AOPEP: variants seen among roughly 807,000 people sequenced by gnomAD.
AOPEP encodes aminopeptidase O.
In AOPEP, 77 loss-of-function variants were observed where a neutral mutation model predicts 98.1. The ratio of observed to expected loss-of-function variants is 0.78; its 90% CI spans 0.65 to 0.95. AOPEP has a LOEUF of 0.95. Ranked by LOEUF, AOPEP falls within the 40% of genes least tolerant of loss-of-function variation. The pLI is 0.00. For missense variants in AOPEP, 1,024 were observed against 1,024.7 expected (o/e 1.00, Z 0.01); for synonymous variants, 346 against 365.3 (o/e 0.95, Z 0.60).
At chr9:94,971,781 G>A (rs2059552083) in intron 10 of AOPEP, among the ~76,000 whole-genome samples, 1 of 152,164 alleles carries the variant, frequency 6.6e-6, no homozygotes, top group Non-Finnish European at 1.5e-5. Flanking sequence ...AATCCCATGA[G>A]TAGCCCTAGG....
intron 13 of AOPEP, among the ~76,000 whole-genome samples, chr9:95,051,162 T>G (rs1403503841): frequency 1.3e-5 from 2 of 148,438 alleles, no homozygotes; most frequent in African/African-American, 4.9e-5. Context: ...TGATCTCGAC[T>G]CACTGCAACC....
chr9:94,862,235 C>A (rs1039449520), intron 5 of AOPEP, among the ~76,000 whole-genome samples: 7 of 152,140 alleles, frequency 4.6e-5, no homozygotes, highest in Non-Finnish European at 1.0e-4. Context: ...AGTCACTGGG[C>A]TGGCTGAGCA....
intron 5 of AOPEP, among the ~76,000 whole-genome samples, chr9:94,895,190 A>G (rs1432620754): frequency 1.3e-5 from 2 of 150,966 alleles, no homozygotes; most frequent in African/African-American, 2.4e-5. Context: ...CCTGGGCAAC[A>G]TAGCAACACA....
chr9:94,767,255 G>C (rs1173324374), intron 2 of AOPEP, among the ~76,000 whole-genome samples: 3 of 152,130 alleles, frequency 2.0e-5, no homozygotes, highest in Non-Finnish European at 4.4e-5. Context: ...TGCTTGGAAG[G>C]GTCGTGTTTT....
chr9:94,996,206 C>T (rs1314769676), intron 11 of AOPEP, among the ~76,000 whole-genome samples: 1 of 152,146 alleles, frequency 6.6e-6, no homozygotes, highest in African/African-American at 2.4e-5. Flanking sequence ...AATTCTGGCC[C>T]TTCCCATTGT....
chr9:94,764,098 G>A (rs1331466961), intron 2 of AOPEP, among the ~76,000 whole-genome samples: 1 of 152,156 alleles, frequency 6.6e-6, no homozygotes, highest in African/African-American at 2.4e-5. Flanking sequence ...GATGATCAAG[G>A]TCAATATCAA....
the AOPEP span, among the ~76,000 whole-genome samples, chr9:95,144,053 G>C: frequency 2.0e-5 from 3 of 150,760 alleles, no homozygotes; most frequent in African/African-American, 7.3e-5. Flanking sequence ...TAAGCAAATA[G>C]TTGGAAGGCT....
Position 95,051,238 on chromosome 9 carries a change from C to T in AOPEP, c.2116-9456C>T, listed in dbSNP as rs185346978. On this transcript the variant is annotated intron_variant, in intron 13 of 16. Coordinates refer to ENST00000375315, the MANE Select transcript of AOPEP (RefSeq NM_001193329.3). ...CCGAGTAGCTGGGACTACAGGTGCG[C>T]GCCACCACACCCAGCTAATTTTTGT... 9.6e-4 allele frequency among the ~76,000 whole-genome samples: 146 copies of T among 151,660 alleles called. 4 individuals are homozygous for T. In the East Asian group the frequency reaches 0.025, roughly 26 times the overall value.
chr9:94,876,368 C>CTTTT (rs566693216), intron 5 of AOPEP, among the ~76,000 whole-genome samples: 1 of 140,646 alleles, frequency 7.1e-6, no homozygotes, highest in Admixed American at 7.1e-5. Context: ...CTTTTCTTTT[C>CTTTT]TTTTTTTTTT....
intron 5 of AOPEP, among the ~76,000 whole-genome samples, chr9:94,847,517 A>T (rs1450956730): frequency 6.6e-6 from 1 of 152,242 alleles, no homozygotes; most frequent in Non-Finnish European, 1.5e-5. Context: ...TACGTTGTTA[A>T]CACGTACTTT....
At chr9:95,064,215 A>C (rs2067627328) in intron 14 of AOPEP, among the ~76,000 whole-genome samples, 1 of 152,264 alleles carries the variant, frequency 6.6e-6, no homozygotes, top group African/African-American at 2.4e-5. Context: ...GACCAGCGTC[A>C]CAGGCCTGTC....
At chr9:94,993,473 G>A (rs1183015768) in intron 11 of AOPEP, among the ~76,000 whole-genome samples, 1 of 152,146 alleles carries the variant, frequency 6.6e-6, no homozygotes, top group Non-Finnish European at 1.5e-5. Context: ...GTGAGAAATT[G>A]CTACAGTGAT....
intron 5 of AOPEP, among the ~76,000 whole-genome samples, chr9:94,833,448 G>C (rs1349700942): frequency 6.6e-6 from 1 of 151,866 alleles, no homozygotes; most frequent in South Asian, 2.1e-4. Flanking sequence ...TGTTGGTCAG[G>C]CTGGTCTTGA....
intron 11 of AOPEP, among the ~76,000 whole-genome samples, chr9:94,985,295 G>A (rs554880022): frequency 9.9e-5 from 15 of 152,208 alleles, no homozygotes; most frequent in South Asian, 4.1e-4. Context: ...ACTTCTTTCC[G>A]AGCAAACACC....
At chr9:94,747,908 T>C (rs1834879615) in intron 1 of AOPEP, among the ~76,000 whole-genome samples, 1 of 152,158 alleles carries the variant, frequency 6.6e-6, no homozygotes, top group South Asian at 2.1e-4. Flanking sequence ...TTTGGAGGGA[T>C]GGTTAGTGTT....
At chr9:95,030,140 C>G (rs967899170) in intron 13 of AOPEP, among the ~76,000 whole-genome samples, 1 of 152,138 alleles carries the variant, frequency 6.6e-6, no homozygotes, top group African/African-American at 2.4e-5. Flanking sequence ...CTGTCTGTTA[C>G]AGAAAATTCT....
chr9:94,801,111 G>A, intron 5 of AOPEP, 109 bp downstream of exon 5: 1 of 1,283,728 alleles, frequency 7.8e-7, no homozygotes, highest in South Asian at 1.3e-5. Flanking sequence ...AGAATGGAGG[G>A]GCTATGGTTG....
intron 1 of AOPEP, among the ~76,000 whole-genome samples, chr9:94,741,122 A>G (rs969990899): frequency 6.6e-6 from 1 of 152,134 alleles, no homozygotes; most frequent in African/African-American, 2.4e-5. Context: ...TGGCAAATTC[A>G]GGTAATAGAA....
Position 94,906,618 on chromosome 9 carries a change from C to T in AOPEP, c.1365-17368C>T, listed in dbSNP as rs529190312. On this transcript the variant is annotated intron_variant, in intron 5 of 16. Transcript: ENST00000375315. Reference sequence around the variant, plus strand: ...AGGAGTTCAAGGTTACAGTAAACTACGATTGTGCCACTGCACTCCAATCTG... The same window carrying T: ...AGGAGTTCAAGGTTACAGTAAACTATGATTGTGCCACTGCACTCCAATCTG... Among the ~76,000 whole-genome samples, 100 of 152,186 alleles carry T rather than the reference C, an allele frequency of 6.6e-4. 1 individual carries two copies. Among genetic ancestry groups the T allele is most frequent in the African/African-American group, 2.2e-3 (90 of 41,520 alleles).
Sources: gnomAD v4.1 joint callset for allele counts (sites outside exome capture counted in the v4.1 genomes callset) on GRCh38, gnomAD v4.1.1 for gene constraint, MANE v1.5 for transcripts, NCBI Gene and HGNC (gene_info 2026-07-23, HGNC 2026-07-21) for gene names.